TMEFF2: variants seen among roughly 807,000 people sequenced by gnomAD.
TMEFF2 encodes tomoregulin-2.
In TMEFF2, 28 loss-of-function variants were observed where a neutral mutation model predicts 53.8. The observed-to-expected ratio is 0.52, with a 90% CI of 0.39 to 0.71. The LOEUF (loss-of-function observed/expected upper bound fraction) is 0.71, where lower values mean the gene tolerates loss of function less well. TMEFF2 is among the 30% of genes least tolerant of loss of function. The probability of loss-of-function intolerance (pLI) is 0.00; values close to 1 mark genes in which losing one functional copy is unlikely to be tolerated. For missense variants in TMEFF2, 353 were observed against 455.2 expected, an observed-to-expected ratio of 0.78 and a Z score of 2.04; for synonymous variants, 162 against 166.3, an observed-to-expected ratio of 0.97 and a Z score of 0.20.
chr2:192,132,294 GCTC>G (rs1193590521), intron 4 of TMEFF2, among the ~76,000 whole-genome samples: 4 of 152,026 alleles, frequency 2.6e-5, no homozygotes, highest in Non-Finnish European at 5.9e-5. Flanking sequence ...CCAGGTTAAT[GCTC>G]CTTTTTCTTT....
Position 192,019,199 on chromosome 2 carries a change from TAA to T in TMEFF2, c.537-19993_537-19992del, listed in dbSNP as rs758238936. Among the ~76,000 whole-genome samples the T allele has an allele frequency of 1.2e-4, 18 of 152,188 alleles. No homozygotes were observed. In the East Asian group the frequency reaches 2.9e-3, roughly 24 times the overall value. On this transcript the variant is annotated intron_variant, in intron 5 of 9. Coordinates refer to ENST00000272771, the MANE Select transcript of TMEFF2 (RefSeq NM_016192.4). ...TCACATGCCATCTATTTGATTTCAG[TAA>T]AAGAGTAGAAGTAGGCTATTTTTTT...
intron 4 of TMEFF2, among the ~76,000 whole-genome samples, chr2:192,070,006 A>G (rs1410685333): frequency 0.065 from 806 of 12,320 alleles, 5 homozygotes; most frequent in African/African-American, 0.14. Context: ...ATATATATAT[A>G]TATATATATA....
At chr2:192,128,370 TAA>T (rs1282655840) in intron 4 of TMEFF2, among the ~76,000 whole-genome samples, 1 of 152,232 alleles carries the variant, frequency 6.6e-6, no homozygotes, top group Non-Finnish European at 1.5e-5. Flanking sequence ...AATATTGCAA[TAA>T]GTCACTGTAG....
intron 4 of TMEFF2, among the ~76,000 whole-genome samples, chr2:192,077,242 T>C (rs563348776): frequency 3.5e-4 from 54 of 152,192 alleles, no homozygotes; most frequent in African/African-American, 1.2e-3. Context: ...ACCCTTAAGG[T>C]TATGGAAGAT....
At chr2:192,014,595 A>C (rs1686704650) in intron 5 of TMEFF2, among the ~76,000 whole-genome samples, 1 of 152,202 alleles carries the variant, frequency 6.6e-6, no homozygotes, top group South Asian at 2.1e-4. Context: ...GTCTGCTGTA[A>C]GCCTTTCCCA....
rs1393581338 is a variant in TMEFF2 at position 191,949,732 on chromosome 2, A to G, written c.*579T>C. The G allele has an allele frequency of 1.0e-6, 1 of 985,290 alleles. No individual in the cohort carries two copies. Among genetic ancestry groups the G allele is most frequent in the African/African-American group, 1.7e-5 (1 of 57,234 alleles). 61.0% of individuals were successfully genotyped at this position (985,290 alleles called of 1,614,324 possible). On this transcript the variant is annotated 3_prime_UTR_variant, in exon 10 of 10. Coordinates refer to ENST00000272771, the MANE Select transcript of TMEFF2 (RefSeq NM_016192.4). ...TATATGCCAGAGATTTTTCTGCTCT[A>G]GGGATGAAAATGGAAGACCAGGGAA...
intron 4 of TMEFF2, among the ~76,000 whole-genome samples, chr2:192,100,589 T>C (rs1056282958): frequency 6.6e-6 from 1 of 152,106 alleles, no homozygotes; most frequent in African/African-American, 2.4e-5. Context: ...TATTAAATGC[T>C]AAAAACAAAC....
chr2:192,190,676 T>C (rs1457027411), intron 2 of TMEFF2, among the ~76,000 whole-genome samples: 1 of 152,182 alleles, frequency 6.6e-6, no homozygotes, highest in Non-Finnish European at 1.5e-5. Context: ...TGTCTTATTA[T>C]GTTTCTTAGA....
In TMEFF2 at chr2:192,154,336, C is replaced by T. The variant is rs540675791; in HGVS notation, c.439+25332G>A. ...ATAGAGCTTTGTATAAGAGAGAGGA[C>T]GCTCTGATTGAGGATGTGGTTTGAG... On this transcript the variant is annotated intron_variant, in intron 4 of 9. Transcript: ENST00000272771. Among the ~76,000 whole-genome samples the T allele has an allele frequency of 7.2e-5, 11 of 152,012 alleles. 1 individual carries two copies. Among genetic ancestry groups the T allele is most frequent in the South Asian group, 4.1e-4 (2 of 4,822 alleles).
intron 7 of TMEFF2, among the ~76,000 whole-genome samples, chr2:191,964,388 TTCTTTCTTTC>T (rs772442872): frequency 0.098 from 4,141 of 42,112 alleles, 200 homozygotes; most frequent in East Asian, 0.19. Context: ...CTTTCTTTCT[TTCTTTCTTTC>T]TCTTTCTTTC....
intron 7 of TMEFF2, among the ~76,000 whole-genome samples, chr2:191,991,809 C>A (rs555623359): frequency 6.6e-6 from 1 of 152,138 alleles, no homozygotes; most frequent in Non-Finnish European, 1.5e-5. Context: ...GAGTGTCTAC[C>A]AGGGCCCAAG....
At chr2:192,127,697 T>G (rs1689710670) in intron 4 of TMEFF2, among the ~76,000 whole-genome samples, 2 of 152,118 alleles carry the variant, frequency 1.3e-5, no homozygotes, top group South Asian at 4.1e-4. Context: ...TGTTTTATGT[T>G]AACTGAAAGG....
At chr2:192,182,772 C>T (rs186114187) in intron 3 of TMEFF2, among the ~76,000 whole-genome samples, 52 of 152,070 alleles carry the variant, frequency 3.4e-4, no homozygotes, top group Middle Eastern at 3.4e-3. Flanking sequence ...CAATACTCTA[C>T]GGTATTTGCC....
At chr2:192,114,131 C>T (rs1689346787) in intron 4 of TMEFF2, among the ~76,000 whole-genome samples, 2 of 145,492 alleles carry the variant, frequency 1.4e-5, no homozygotes, top group Non-Finnish European at 3.0e-5. Flanking sequence ...CAATAATAAA[C>T]ATCTTTTCTC....
At chr2:192,033,579 C>T (rs1687199795) in intron 5 of TMEFF2, among the ~76,000 whole-genome samples, 1 of 147,798 alleles carries the variant, frequency 6.8e-6, no homozygotes, top group African/African-American at 2.5e-5. Flanking sequence ...CAAGCTGCCT[C>T]ATTAGATAAG....
intron 4 of TMEFF2, chr2:192,178,920 C>G (rs1691116870): frequency 6.6e-6 from 1 of 151,050 alleles, no homozygotes. Flanking sequence ...GTATAAAAGT[C>G]TAATTTTGTT....
At chr2:192,187,992 G>A (rs1574447222) in intron 2 of TMEFF2, among the ~76,000 whole-genome samples, 1 of 152,144 alleles carries the variant, frequency 6.6e-6, no homozygotes, top group African/African-American at 2.4e-5. Flanking sequence ...AGTCTGGCAT[G>A]TAGAAGGTGC....
intron 4 of TMEFF2, among the ~76,000 whole-genome samples, chr2:192,071,063 G>C (rs1688284149): frequency 1.3e-5 from 2 of 151,890 alleles, no homozygotes; most frequent in Non-Finnish European, 2.9e-5. Flanking sequence ...GAATAAGTAA[G>C]GGAGGAGGCC....
intron 4 of TMEFF2, among the ~76,000 whole-genome samples, chr2:192,121,069 T>C (rs1236263682): frequency 6.6e-6 from 1 of 151,942 alleles, no homozygotes; most frequent in Admixed American, 6.6e-5. Context: ...ACTATGTACC[T>C]GAACTCTACT....
Sources: allele counts gnomAD v4.1 joint callset (sites outside exome capture counted in the v4.1 genomes callset), GRCh38; gene constraint gnomAD v4.1.1; transcripts MANE v1.5; gene names NCBI Gene and HGNC (gene_info 2026-07-23, HGNC 2026-07-21).